WIPF3: variants seen among roughly 807,000 people sequenced by gnomAD.
WIPF3 encodes the protein WAS/WASL interacting protein family member 3, also known as WAS/WASL-interacting protein family member 3.
WIPF3 carries 33 observed loss-of-function variants against 38.9 expected under a neutral mutation model. That is an observed-to-expected ratio of 0.85 (90% CI 0.64 to 1.14). The LOEUF (loss-of-function observed/expected upper bound fraction) is 1.14. Ranked by LOEUF, WIPF3 falls within the 50% of genes most tolerant of loss-of-function variation. The pLI, the probability that WIPF3 is intolerant of heterozygous loss-of-function variation, is 0.00. For synonymous variants in WIPF3, 324 were observed against 269.3 expected (o/e 1.20, Z -1.99); for missense variants, 711 against 652.5 (o/e 1.09, Z -0.98).
At chr7:29,842,250 A>G (rs1784924149) in intron 2 of WIPF3, among the ~76,000 whole-genome samples, 1 of 152,258 alleles carries the variant, frequency 6.6e-6, no homozygotes, top group African/African-American at 2.4e-5. Context: ...TTCAAGTTTC[A>G]ATATCCTAAG....
Position 29,878,877 on chromosome 7 carries a change from G to A in WIPF3, c.224-132G>A, listed in dbSNP as rs1733499158. ...TGGGGAGGATGCTGAGTGAAAGGAT[G>A]ACATTGGAGGTGGGAGAATGGGAAG... On this transcript the variant is annotated intron_variant, in intron 3 of 8. Transcript: ENST00000242140. This position sits in a 1 kb window ranked among gnomAD's most constrained non-coding sequence, Gnocchi z 4.0. 1 of 1,048,328 alleles carries A rather than the reference G, an allele frequency of 9.5e-7. No homozygotes were observed. Among genetic ancestry groups the A allele is most frequent in the Admixed American group, 2.3e-5 (1 of 42,668 alleles). The allele number at this position is 1,048,328 out of a possible 1,614,324, so 64.9% of individuals were successfully genotyped here.
In WIPF3 at chr7:29,889,295, C is replaced by G. The variant is rs776583671; in HGVS notation, c.1250-11C>G. 4.3e-6 allele frequency: 7 copies of G among 1,609,652 alleles called. No homozygotes were observed. The highest frequency in any genetic ancestry group is 6.0e-6 in the Non-Finnish European group (7 of 1,176,150). On this transcript the variant is annotated splice_polypyrimidine_tract_variant and intron_variant, in intron 6 of 8. Coordinates refer to ENST00000242140, the MANE Select transcript of WIPF3 (RefSeq NM_001080529.3). ...AACCTGAGTAACTCTTTCCATTTCG[C>G]TTGTGTGCAGATGACTTCGAGTCTA...
chr7:29,836,923 G>A (rs1172978134), intron 2 of WIPF3, among the ~76,000 whole-genome samples: 3 of 152,144 alleles, frequency 2.0e-5, no homozygotes, highest in African/African-American at 4.8e-5. Flanking sequence ...CCCAGGAGGC[G>A]GAGGTTGCAG....
At chr7:29,864,813 G>A (rs1054418484) in intron 2 of WIPF3, among the ~76,000 whole-genome samples, 1 of 152,134 alleles carries the variant, frequency 6.6e-6, no homozygotes, top group South Asian at 2.1e-4. Context: ...CTTCTTAGAC[G>A]TTCTCTTGCT....
intron 7 of WIPF3, among the ~76,000 whole-genome samples, chr7:29,895,720 C>T (rs965174266): frequency 6.6e-6 from 1 of 152,124 alleles, no homozygotes; most frequent in Non-Finnish European, 1.5e-5. Context: ...TGTCACGTGA[C>T]GGAGCGGAGC....
intron 2 of WIPF3, among the ~76,000 whole-genome samples, chr7:29,862,022 T>C (rs1020202551): frequency 1.3e-5 from 2 of 152,278 alleles, no homozygotes; most frequent in African/African-American, 4.8e-5. Context: ...TATCTGGAAG[T>C]GTTTTTGCAG....
intron 2 of WIPF3, among the ~76,000 whole-genome samples, chr7:29,840,653 A>G (rs1784898664): frequency 6.6e-6 from 1 of 152,206 alleles, no homozygotes; most frequent in Admixed American, 6.5e-5. Context: ...GAAAGAAAAA[A>G]GTATATTTGA....
chr7:29,871,598 G>A (rs1785498174), intron 2 of WIPF3, among the ~76,000 whole-genome samples: 1 of 152,330 alleles, frequency 6.6e-6, no homozygotes, highest in Non-Finnish European at 1.5e-5. Context: ...TGGTGACAGG[G>A]TGCCAAATAG....
intron 1 of WIPF3, among the ~76,000 whole-genome samples, chr7:29,816,500 T>G (rs987752048): frequency 7.9e-5 from 12 of 152,062 alleles, no homozygotes. Flanking sequence ...TTATTTTATT[T>G]TATTTTTTAG....
In WIPF3 at chr7:29,883,968, G is replaced by C. The variant is rs1039097232; in HGVS notation, c.474G>C (p.Ala158=). The C allele has an allele frequency of 4.3e-5, 67 of 1,545,068 alleles. No individual in the cohort carries two copies. The highest frequency in any genetic ancestry group is 5.4e-5 in the Non-Finnish European group (62 of 1,144,006). Residue 158 remains alanine (A), a synonymous_variant, in exon 5 of 9, where the codon GCG becomes GCC. Coordinates refer to ENST00000242140, the MANE Select transcript of WIPF3 (RefSeq NM_001080529.3). Reference sequence around the variant, plus strand: ...CCAGGCTAGGCAATACCTCCGAGGCGCATGGCGCTGCCAGGACAGCCCCGC... The same window carrying C: ...CCAGGCTAGGCAATACCTCCGAGGCCCATGGCGCTGCCAGGACAGCCCCGC... ...ASPRLGNTSE[A]HGAARTAPPR...
At position 29,884,424 on chromosome 7, in the gene WIPF3, G is replaced by T. The variant is rs754257167; in HGVS notation, c.930G>T (p.Ala310=). ...GCTCCCCGAGGGCTTCTTTGCCCGC[G>T]CCCCCTTTGCCAGGAGTTAATAGCA... is the stretch of plus-strand genomic sequence containing the variant. ...ASCSPRASLP[A]PPLPGVNSSS... is the part of the protein sequence containing the mutation. Residue 310 remains alanine, a synonymous_variant, in exon 5 of 9, where the codon GCG becomes GCT. Coordinates refer to ENST00000242140, the MANE Select transcript of WIPF3 (RefSeq NM_001080529.3). The T allele has an allele frequency of 2.1e-6, 3 of 1,456,274 alleles. No homozygotes were observed. The highest frequency in any genetic ancestry group is 2.8e-5 in the East Asian group (1 of 35,260). The allele number at this position is 1,456,274 out of a possible 1,614,324, so 90.2% of individuals were successfully genotyped here. A position where few individuals can be genotyped will look rare whatever the true frequency, so the allele number is the denominator to read the frequency against.
chr7:29,872,617 C>T (rs1043911478), intron 2 of WIPF3, among the ~76,000 whole-genome samples: 4 of 151,736 alleles, frequency 2.6e-5, no homozygotes, highest in Admixed American at 6.6e-5. Flanking sequence ...CACCGTAAAA[C>T]CCCGTCTCTA....
At chr7:29,900,975 G>A (rs1231975187) in intron 7 of WIPF3, among the ~76,000 whole-genome samples, 1 of 152,104 alleles carries the variant, frequency 6.6e-6, no homozygotes, top group Non-Finnish European at 1.5e-5. Context: ...GCAGCCCAGG[G>A]CTGGTGGTTA....
In WIPF3 at chr7:29,916,728, CAG is replaced by C. The variant is rs1786623655; in HGVS notation, c.*2215_*2216del. The C allele has an allele frequency of 1.3e-5, 2 of 151,614 alleles. No homozygotes were observed. The highest frequency in any genetic ancestry group is 3.9e-4 in the East Asian group (2 of 5,164). 9.4% of individuals were successfully genotyped at this position (151,614 alleles called of 1,614,324 possible). ...ACCCTAACTCAAAAAAAAAAAAGGA[CAG>C]AGGGGAGGAAGGAGCAGAAACCAAA... is the stretch of plus-strand genomic sequence containing the variant. On this transcript the variant is annotated 3_prime_UTR_variant, in exon 9 of 9. Transcript: ENST00000242140.
rs1407182247 is a variant in WIPF3, at chr7:29,916,856, T to A, written c.*2340T>A. ...TTCGAGCTCATGCTGGTGCACTGAG[T>A]CCCTTGGGCGCTGTAAAGGTTTAAC... On this transcript the variant is annotated 3_prime_UTR_variant, in exon 9 of 9. Coordinates refer to ENST00000242140, the MANE Select transcript of WIPF3 (RefSeq NM_001080529.3). 2 of 152,110 alleles carry A rather than the reference T, an allele frequency of 1.3e-5. No homozygotes were observed. The highest frequency in any genetic ancestry group is 2.4e-5 in the African/African-American group (1 of 41,412). The allele number at this position is 152,110 out of a possible 1,614,324, so 9.4% of individuals were successfully genotyped here. A position where few individuals can be genotyped will look rare whatever the true frequency, so the allele number is the denominator to read the frequency against.
intron 1 of WIPF3, among the ~76,000 whole-genome samples, chr7:29,812,877 T>C (rs1175687750): frequency 6.6e-6 from 1 of 152,240 alleles, no homozygotes; most frequent in Non-Finnish European, 1.5e-5. Flanking sequence ...TAGATCTTCA[T>C]GGAATTAGTG....
chr7:29,861,977 C>T (rs1391421119), intron 2 of WIPF3, among the ~76,000 whole-genome samples: 5 of 152,136 alleles, frequency 3.3e-5, no homozygotes, highest in East Asian at 1.9e-4. Context: ...TCCATTCTTA[C>T]GCAGAAGAGG....
intron 2 of WIPF3, among the ~76,000 whole-genome samples, chr7:29,870,957 C>CA (rs397736411): frequency 0.58 from 76,450 of 132,722 alleles, 22,202 homozygotes; most frequent in East Asian, 0.86. Context: ...ACCCCATCTC[C>CA]AAAAAAAAAA....
At chr7:29,826,940 C>T (rs1021317886) in intron 1 of WIPF3, among the ~76,000 whole-genome samples, 1 of 152,140 alleles carries the variant, frequency 6.6e-6, no homozygotes, top group Non-Finnish European at 1.5e-5. Context: ...AGTTTCTTGA[C>T]CTCTCCATCC....
Sources: allele counts gnomAD v4.1 joint callset (sites outside exome capture counted in the v4.1 genomes callset), GRCh38; gene constraint gnomAD v4.1.1; non-coding constraint Gnocchi (gnomAD v3.1); transcripts MANE v1.5; gene names NCBI Gene and HGNC (gene_info 2026-07-23, HGNC 2026-07-21).